The following TAFA2 variants were observed in gnomAD, a reference collection of about 807,000 sequenced individuals.
TAFA2 encodes TAFA chemokine like family member 2, also known as chemokine-like protein TAFA-2.
In TAFA2, 7 loss-of-function variants were observed where a neutral mutation model predicts 18.8. The observed-to-expected ratio is 0.37, with a 90% confidence interval of 0.21 to 0.70. The LOEUF (loss-of-function observed/expected upper bound fraction) is 0.70. TAFA2 is among the 30% of genes least tolerant of loss of function. The pLI is 0.53. For synonymous variants in TAFA2, 60 were observed against 54.2 expected (o/e 1.11, Z -0.47); for missense variants, 122 against 158.1 (o/e 0.77, Z 1.23).
intron 1 of TAFA2, among the ~76,000 whole-genome samples, chr12:61,954,897 A>T (rs111590115): frequency 3.3e-4 from 50 of 152,292 alleles, no homozygotes; most frequent in African/African-American, 1.2e-3. Flanking sequence ...GGGTTCATTG[A>T]CTTACACAAA....
At chr12:62,150,040 G>T (rs2062316786) in intron 1 of TAFA2, among the ~76,000 whole-genome samples, 1 of 152,182 alleles carries the variant, frequency 6.6e-6, no homozygotes. Context: ...CCAGTAAACT[G>T]AAAGTTAAAT....
At position 61,950,932 on chromosome 12, in the gene TAFA2, C is replaced by T. The variant is rs533604600; in HGVS notation, c.-1-83506G>A. The stretch of plus-strand genomic sequence containing the variant: ...TACCATCAACCTTCTTTATGACACA[C>T]ATATGCTTTATAGGAAAGGTAGAGT... On this transcript the variant is annotated intron_variant, in intron 1 of 4. Transcript: ENST00000416284. Among the ~76,000 whole-genome samples, 6 of 152,228 alleles carry T rather than the reference C, an allele frequency of 3.9e-5. No homozygotes were observed. In the East Asian group the frequency reaches 9.7e-4, roughly 25 times the overall value.
chr12:62,035,733 C>CTTTTTTTTTTT (rs34859628), intron 1 of TAFA2, among the ~76,000 whole-genome samples: 2 of 60,228 alleles, frequency 3.3e-5, no homozygotes, highest in Admixed American at 2.2e-4. Context: ...ATGATTCTTT[C>CTTTTTTTTTTT]TTTTTTTTTT....
intron 4 of TAFA2, among the ~76,000 whole-genome samples, chr12:61,738,482 T>C (rs1868346461): frequency 6.6e-6 from 1 of 152,038 alleles, no homozygotes; most frequent in Non-Finnish European, 1.5e-5. Context: ...TAATTGTGAT[T>C]GTCAGAAAAA....
intron 1 of TAFA2, among the ~76,000 whole-genome samples, chr12:61,996,049 A>C (rs1224725917): frequency 2.0e-5 from 3 of 152,108 alleles, no homozygotes; most frequent in Non-Finnish European, 4.4e-5. Flanking sequence ...TGTATTGATA[A>C]GAAATATTTA....
intron 1 of TAFA2, among the ~76,000 whole-genome samples, chr12:62,096,420 T>A (rs1178218782): frequency 1.3e-5 from 2 of 152,138 alleles, no homozygotes; most frequent in East Asian, 1.9e-4. Flanking sequence ...ACATAAGATG[T>A]CACAACAGGA....
At chr12:61,891,135 G>A (rs1875615024) in intron 1 of TAFA2, among the ~76,000 whole-genome samples, 1 of 152,122 alleles carries the variant, frequency 6.6e-6, no homozygotes, top group African/African-American at 2.4e-5. Context: ...GAAAATAAAT[G>A]AATACCTAAA....
intron 1 of TAFA2, among the ~76,000 whole-genome samples, chr12:62,008,539 C>T (rs183144919): frequency 2.0e-5 from 3 of 152,216 alleles, no homozygotes; most frequent in Admixed American, 2.0e-4. Context: ...TATCATCGCA[C>T]AACATAACAT....
intron 1 of TAFA2, among the ~76,000 whole-genome samples, chr12:62,037,550 G>A (rs934538103): frequency 6.6e-6 from 1 of 152,128 alleles, no homozygotes; most frequent in African/African-American, 2.4e-5. Flanking sequence ...CTGAACTTTG[G>A]TAGGCATCAA....
chr12:61,909,889 C>A (rs1256286774), intron 1 of TAFA2, among the ~76,000 whole-genome samples: 1 of 152,080 alleles, frequency 6.6e-6, no homozygotes, highest in Non-Finnish European at 1.5e-5. Context: ...CTAAAAGGAA[C>A]AAATACCATA....
intron 1 of TAFA2, among the ~76,000 whole-genome samples, chr12:62,231,845 A>G (rs1274697043): frequency 6.6e-6 from 1 of 152,198 alleles, no homozygotes; most frequent in East Asian, 1.9e-4. Context: ...TGGGGAACTC[A>G]AAGCTTTAAA....
intron 1 of TAFA2, among the ~76,000 whole-genome samples, chr12:62,246,330 T>C (rs1369931277): frequency 1.3e-5 from 2 of 152,224 alleles, no homozygotes; most frequent in African/African-American, 2.4e-5. Context: ...AATCTCTAAC[T>C]ATGATTTATT....
Position 62,019,829 on chromosome 12 carries a change from TA to T in TAFA2, c.-1-152404del, listed in dbSNP as rs563419171. 3.6e-4 allele frequency among the ~76,000 whole-genome samples: 54 copies of T among 151,288 alleles called. 1 individual carries two copies. In the East Asian group the frequency reaches 9.8e-3, roughly 28 times the overall value. On this transcript the variant is annotated intron_variant, in intron 1 of 4. Transcript: ENST00000416284. ...AAACTTAAAGTATAATAAAAAAATT[TA>T]AAAAAATAGAATAAAATAAAATAAA...
Position 62,077,669 on chromosome 12 carries a change from C to G in TAFA2, c.-2+113590G>C, listed in dbSNP as rs1416747953. Among the ~76,000 whole-genome samples the G allele has an allele frequency of 2.0e-5, 3 of 152,266 alleles. No individual in the cohort carries two copies. The East Asian group carries it at 5.8e-4, about 29-fold the overall frequency. ...GCCAGTATACCACTTTGTCCCAATT[C>G]TCTTCTGCACTCTCTAAAGACTAAT... On this transcript the variant is annotated intron_variant, in intron 1 of 4. Coordinates refer to ENST00000416284, the MANE Select transcript of TAFA2 (RefSeq NM_178539.5).
chr12:61,782,982 A>G (rs1341340535), intron 2 of TAFA2, among the ~76,000 whole-genome samples: 1 of 151,680 alleles, frequency 6.6e-6, no homozygotes, highest in Admixed American at 6.6e-5. Flanking sequence ...ATTTTTTTCC[A>G]GGAGGTTCCA....
rs1197747648 is a variant in TAFA2 at position 61,857,391 on chromosome 12, G to A, written c.106+9929C>T. 4.6e-5 allele frequency among the ~76,000 whole-genome samples: 7 copies of A among 152,002 alleles called. No individual in the cohort carries two copies. In the South Asian group the frequency reaches 1.5e-3, roughly 32 times the overall value. On this transcript the variant is annotated intron_variant, in intron 2 of 4. Transcript: ENST00000416284. ...ATTCAATTTAATTTTTTTTAAATTAGTAGCCAGCCAGTATTTTCAGAGTGG... is the reference window on the plus strand; with the variant it reads ...ATTCAATTTAATTTTTTTTAAATTAATAGCCAGCCAGTATTTTCAGAGTGG...
chr12:62,228,847 G>A (rs776210851), intron 1 of TAFA2, among the ~76,000 whole-genome samples: 2 of 152,084 alleles, frequency 1.3e-5, no homozygotes, highest in Non-Finnish European at 2.9e-5. Context: ...TCTAATTAAT[G>A]AGTATGGAAT....
chr12:62,034,994 C>A lies in TAFA2; in HGVS notation c.-2+156265G>T, dbSNP rs1881560449. Among the ~76,000 whole-genome samples the A allele has an allele frequency of 2.0e-5, 3 of 152,192 alleles. No homozygotes were observed. In the South Asian group the frequency reaches 6.2e-4, roughly 32 times the overall value. ...ACATTATATTGTTGTATCAAAATAA[C>A]CACATCCAAAAAGCCATGACATATA... On this transcript the variant is annotated intron_variant, in intron 1 of 4. Transcript: ENST00000416284.
intron 1 of TAFA2, among the ~76,000 whole-genome samples, chr12:62,214,817 G>A (rs2062727599): frequency 6.6e-6 from 1 of 152,110 alleles, no homozygotes. Flanking sequence ...TGTTGTTTAA[G>A]ACATCAGTCT....
Sources: gnomAD v4.1 joint callset for allele counts (sites outside exome capture counted in the v4.1 genomes callset) on GRCh38, gnomAD v4.1.1 for gene constraint, MANE v1.5 for transcripts, NCBI Gene and HGNC (gene_info 2026-07-23, HGNC 2026-07-21) for gene names.